PTPRB: variants seen among roughly 807,000 people sequenced by gnomAD.
The protein encoded by PTPRB is protein tyrosine phosphatase receptor type B, also known as receptor-type tyrosine-protein phosphatase beta.
PTPRB carries 97 observed loss-of-function variants against 238.1 expected under a neutral mutation model. The observed-to-expected ratio is 0.41, with a 90% CI of 0.35 to 0.48. The LOEUF is 0.48. Ranked by LOEUF, PTPRB falls within the 20% of genes least tolerant of loss-of-function variation. PTPRB has a pLI of 0.30. For synonymous variants in PTPRB, 970 were observed against 995.4 expected, an observed-to-expected ratio of 0.97 and a Z score of 0.48; for missense variants, 2,292 against 2,681.9, an observed-to-expected ratio of 0.85 and a Z score of 3.21.
rs150142891 is a variant in PTPRB at position 70,633,951 on chromosome 12, A to G, written c.451+1720T>C. 5.2e-3 allele frequency among the ~76,000 whole-genome samples: 788 copies of G among 152,234 alleles called. 3 individuals carry two copies. The highest frequency in any genetic ancestry group is 0.017 in the Middle Eastern group (5 of 292). Reference sequence around the variant, plus strand: ...AAAATGGAACAGTTATAATGTTTCTATATTATTTAGGAGAGGCCTTGATAG... The same window carrying G: ...AAAATGGAACAGTTATAATGTTTCTGTATTATTTAGGAGAGGCCTTGATAG... On this transcript the variant is annotated intron_variant, in intron 2 of 33. Transcript: ENST00000334414.
chr12:70,534,737 G>A, intron 30 of PTPRB, 86 bp from the exon 31 acceptor site: 1 of 1,598,056 alleles, frequency 6.3e-7, no homozygotes, highest in Non-Finnish European at 8.5e-7. Flanking sequence ...CAACTCCTAT[G>A]GGCTGAAACT....
intron 3 of PTPRB, among the ~76,000 whole-genome samples, chr12:70,620,421 T>G (rs1261127156): frequency 6.6e-6 from 1 of 152,246 alleles, no homozygotes; most frequent in Non-Finnish European, 1.5e-5. Flanking sequence ...AATTGGAGAC[T>G]GTTCTTTTTG....
chr12:70,583,740 A>C (rs771694163), intron 9 of PTPRB, among the ~76,000 whole-genome samples: 2 of 152,166 alleles, frequency 1.3e-5, no homozygotes, highest in Non-Finnish European at 2.9e-5. Flanking sequence ...AAAGTTGACA[A>C]TTTAGATTAA....
intron 3 of PTPRB, among the ~76,000 whole-genome samples, chr12:70,610,171 C>T (rs913994653): frequency 2.6e-5 from 4 of 152,180 alleles, no homozygotes; most frequent in African/African-American, 9.6e-5. Context: ...GGGAGGGAGC[C>T]CCGAGGAGCC....
At chr12:70,579,369 C>T (rs1881121716) in intron 10 of PTPRB, among the ~76,000 whole-genome samples, 1 of 152,080 alleles carries the variant, frequency 6.6e-6, no homozygotes, top group Non-Finnish European at 1.5e-5. Flanking sequence ...TGCCAAGAAC[C>T]ATTAAAAGAA....
intron 1 of PTPRB, among the ~76,000 whole-genome samples, 196 bp from the exon 2 acceptor site, chr12:70,636,262 AAT>A (rs1262016407): frequency 6.6e-6 from 1 of 151,906 alleles, no homozygotes; most frequent in Non-Finnish European, 1.5e-5. Flanking sequence ...ATAAAATGTC[AAT>A]ATGTTACACT....
In PTPRB at chr12:70,562,830, G is replaced by A; in HGVS notation, c.4168+14C>T. On this transcript the variant is annotated intron_variant, in intron 16 of 33. Coordinates refer to ENST00000334414, the MANE Select transcript of PTPRB (RefSeq NM_001109754.4). ...TTCCCCCACGATTCATTACTGCTTGGGTCTTGGTCTTACCTGTTCTACCAA... is the reference window on the plus strand; with the variant it reads ...TTCCCCCACGATTCATTACTGCTTGAGTCTTGGTCTTACCTGTTCTACCAA... 10 of 1,611,124 alleles carry A rather than the reference G, an allele frequency of 6.2e-6. No homozygotes were observed. Among genetic ancestry groups the A allele is most frequent in the Non-Finnish European group, 8.5e-6 (10 of 1,177,750 alleles).
At chr12:70,607,468 T>C (rs989295640) in intron 4 of PTPRB, among the ~76,000 whole-genome samples, 14 of 152,200 alleles carry the variant, frequency 9.2e-5, no homozygotes, top group African/African-American at 3.4e-4. Flanking sequence ...CCTTTCAACT[T>C]TTGTAAAATG....
chr12:70,562,776 C>T, intron 16 of PTPRB, 68 bp downstream of exon 16: 3 of 1,552,528 alleles, frequency 1.9e-6, no homozygotes, highest in East Asian at 4.5e-5. Context: ...AAGGACCAAC[C>T]AAGGAAAAGC....
At chr12:70,558,013 A>G (rs1418095441) in intron 18 of PTPRB, among the ~76,000 whole-genome samples, 3 of 152,186 alleles carry the variant, frequency 2.0e-5, no homozygotes, top group South Asian at 2.1e-4. Context: ...CTGGGCAACT[A>G]CTGCAGCTGG....
intron 2 of PTPRB, among the ~76,000 whole-genome samples, chr12:70,632,126 C>T (rs542470410): frequency 1.1e-4 from 17 of 152,174 alleles, no homozygotes; most frequent in East Asian, 7.7e-4. Flanking sequence ...GACACATGCA[C>T]GTGTATATTT....
intron 4 of PTPRB, among the ~76,000 whole-genome samples, chr12:70,605,399 T>G (rs1024226065): frequency 9.2e-5 from 14 of 152,222 alleles, no homozygotes; most frequent in African/African-American, 3.1e-4. Context: ...CCACCATTCA[T>G]CCATCTTTCC....
At chr12:70,574,905 T>C (rs987066351) in intron 11 of PTPRB, among the ~76,000 whole-genome samples, 11 of 152,178 alleles carry the variant, frequency 7.2e-5, no homozygotes, top group Admixed American at 2.6e-4. Flanking sequence ...ATTAAAGTCA[T>C]ACGGATAGGA....
Position 70,587,069 on chromosome 12 carries a change from A to C in PTPRB, c.2249T>G (p.Met750Arg), listed in dbSNP as rs1315107640. 1 of 1,613,682 alleles carries C rather than the reference A, an allele frequency of 6.2e-7. No homozygotes were observed. The highest frequency in any genetic ancestry group is 1.3e-5 in the African/African-American group (1 of 74,918). ...TCCACTAATACTGGTGACTGTAGCC[A>C]TGTATTTTCGTCCAGGCACCAGGTC... is the stretch of plus-strand genomic sequence containing the variant. ...FTDLVPGRKY[M>R]ATVTSISGDL... Residue 750 changes from methionine to arginine, a missense_variant, in exon 9 of 34, where the codon ATG becomes AGG. By Grantham distance (91) the Met-to-Arg change is moderately conservative. Transcript: ENST00000334414.
chr12:70,552,352 C>T (rs766829531), intron 21 of PTPRB, among the ~76,000 whole-genome samples: 8 of 151,772 alleles, frequency 5.3e-5, no homozygotes, highest in African/African-American at 9.7e-5. Flanking sequence ...GGTGTGGTGG[C>T]GTGCACTTGT....
chr12:70,581,272 G>A lies in PTPRB; in HGVS notation c.2342C>T (p.Ala781Val), dbSNP rs1412007671. The A allele has an allele frequency of 1.2e-6, 2 of 1,613,656 alleles. No homozygotes were observed. The highest frequency in any genetic ancestry group is 2.2e-5 in the South Asian group (2 of 91,026). Residue 781 changes from alanine (A) to valine (V), a missense_variant, in exon 10 of 34, where the codon GCC becomes GTC. Ala to Val is a moderately conservative substitution (Grantham distance 64, BLOSUM62 0). Coordinates refer to ENST00000334414, the MANE Select transcript of PTPRB (RefSeq NM_001109754.4). Reference protein sequence around the residue: ...VPAQVTDLHVANQGMTSSLFT... With the variant: ...VPAQVTDLHVVNQGMTSSLFT... The stretch of plus-strand genomic sequence containing the variant: ...CAGACTACTGGTCATTCCTTGGTTG[G>A]CCACATGCAAGTCAGTCACTTGGGC...
At chr12:70,606,385 C>T (rs966379332) in intron 4 of PTPRB, among the ~76,000 whole-genome samples, 2 of 152,026 alleles carry the variant, frequency 1.3e-5, no homozygotes, top group Admixed American at 1.3e-4. Context: ...TTTTTTTATC[C>T]TTAAGGTCGT....
intron 21 of PTPRB, 127 bp from the exon 22 acceptor site, chr12:70,544,790 A>G (rs1449621655): frequency 1.8e-6 from 1 of 564,874 alleles, no homozygotes; most frequent in Non-Finnish European, 3.0e-6. Flanking sequence ...GAGTTATGGA[A>G]TCGGATAGAC....
chr12:70,565,831 ATTAAG>A (rs1879221956), intron 15 of PTPRB, among the ~76,000 whole-genome samples: 1 of 152,200 alleles, frequency 6.6e-6, no homozygotes, highest in Non-Finnish European at 1.5e-5. Context: ...TGTAGATGTG[ATTAAG>A]TTAAGGATCT....
Sources: gnomAD v4.1 joint callset for allele counts (sites outside exome capture counted in the v4.1 genomes callset) on GRCh38, gnomAD v4.1.1 for gene constraint, MANE v1.5 for transcripts, NCBI Gene and HGNC (gene_info 2026-07-23, HGNC 2026-07-21) for gene names.